Variants in LDLRAD4 observed in about 807,000 individuals in gnomAD.
LDLRAD4 encodes low-density lipoprotein receptor class A domain-containing protein 4.
LDLRAD4 carries 5 observed loss-of-function variants against 17.0 expected under a neutral mutation model. That is an observed-to-expected ratio of 0.29 (90% CI 0.15 to 0.62). The LOEUF (loss-of-function observed/expected upper bound fraction) is 0.62. Ranked by LOEUF, LDLRAD4 falls within the 20% of genes least tolerant of loss-of-function variation. LDLRAD4 has a pLI of 0.84. For missense variants in LDLRAD4, 340 were observed against 424.7 expected (o/e 0.80, Z 1.75); for synonymous variants, 168 against 171.8 (o/e 0.98, Z 0.17).
At chr18:13,410,968 G>A (rs995754341) in intron 2 of LDLRAD4, among the ~76,000 whole-genome samples, 2 of 152,120 alleles carry the variant, frequency 1.3e-5, no homozygotes, top group Non-Finnish European at 2.9e-5. Context: ...GTATCAATAC[G>A]GGCCAGGTGC....
chr18:13,312,215 A>G (rs1347670728), intron 1 of LDLRAD4, among the ~76,000 whole-genome samples: 1 of 152,160 alleles, frequency 6.6e-6, no homozygotes, highest in Non-Finnish European at 1.5e-5. Flanking sequence ...TTTAAACTTC[A>G]TTTCATGCAC....
At chr18:13,511,584 G>T (rs79616222) in intron 3 of LDLRAD4, among the ~76,000 whole-genome samples, 2,353 of 152,260 alleles carry the variant, frequency 0.015, 73 homozygotes, top group African/African-American at 0.055. Flanking sequence ...TGAAAATTAT[G>T]GGTAAAGAAA....
At chr18:13,589,302 T>C (rs2094977774) in intron 3 of LDLRAD4, among the ~76,000 whole-genome samples, 1 of 152,170 alleles carries the variant, frequency 6.6e-6, no homozygotes, top group African/African-American at 2.4e-5. Flanking sequence ...GGTGAAATGA[T>C]GGTTGGATGC....
In LDLRAD4 at chr18:13,280,316, G is replaced by T. The variant is rs117014035; in HGVS notation, c.-383+2128G>T. The stretch of plus-strand genomic sequence containing the variant: ...CTTGGCAAGTCCTAACCCTCTATGA[G>T]TCTCAGCTTTTCTCATCTTTAAATG... On this transcript the variant is annotated intron_variant, in intron 1 of 5. Coordinates refer to ENST00000359446, the Ensembl canonical transcript of LDLRAD4. Among the ~76,000 whole-genome samples, 1,506 of 152,288 alleles carry T rather than the reference G, an allele frequency of 9.9e-3. 59 individuals are homozygous for T. Among genetic ancestry groups the T allele is most frequent in the Admixed American group, 0.068 (1,046 of 15,294 alleles).
chr18:13,640,760 C>T (rs2042478801), intron 4 of LDLRAD4, among the ~76,000 whole-genome samples: 2 of 152,108 alleles, frequency 1.3e-5, no homozygotes, highest in African/African-American at 2.4e-5. Context: ...GCACCCCTTT[C>T]CTGGCCTCAG....
chr18:13,383,154 T>C (rs746434925), intron 1 of LDLRAD4, among the ~76,000 whole-genome samples: 24 of 152,308 alleles, frequency 1.6e-4, no homozygotes, highest in Admixed American at 3.9e-4. Context: ...GTTAATTGTG[T>C]AGGTGTTTGC....
At chr18:13,255,754 G>T (rs1375824870) in intron 1 of LDLRAD4, among the ~76,000 whole-genome samples, 1 of 152,172 alleles carries the variant, frequency 6.6e-6, no homozygotes, top group Non-Finnish European at 1.5e-5. Flanking sequence ...GGGCTGTGGG[G>T]TGCTTGGAGT....
At chr18:13,642,825 C>T (rs2042699423) in intron 4 of LDLRAD4, 1 of 977,334 alleles carries the variant, frequency 1.0e-6, no homozygotes, top group Non-Finnish European at 1.3e-6. Context: ...TCCATGTTTC[C>T]TTTTGTTCAC....
At chr18:13,422,960 A>G (rs1013799828) in intron 2 of LDLRAD4, among the ~76,000 whole-genome samples, 6 of 151,488 alleles carry the variant, frequency 4.0e-5, no homozygotes, top group African/African-American at 1.5e-4. Context: ...GCTGGTAGCA[A>G]CTCCCTGGGG....
intron 1 of LDLRAD4, among the ~76,000 whole-genome samples, chr18:13,289,705 TCCTGAG>T (rs1275495731): frequency 6.6e-6 from 1 of 152,196 alleles, no homozygotes; most frequent in Non-Finnish European, 1.5e-5. Flanking sequence ...CTGTGTCCAG[TCCTGAG>T]CCATTGGGAC....
intron 3 of LDLRAD4, among the ~76,000 whole-genome samples, chr18:13,507,571 G>A (rs777640915): frequency 3.2e-4 from 49 of 152,178 alleles, no homozygotes; most frequent in Non-Finnish European, 6.0e-4. Flanking sequence ...TGGTCAGTGA[G>A]CACTTAGGTT....
chr18:13,578,341 C>G (rs1198103214), intron 3 of LDLRAD4, among the ~76,000 whole-genome samples: 1 of 152,184 alleles, frequency 6.6e-6, no homozygotes, highest in Non-Finnish European at 1.5e-5. Flanking sequence ...CCTGGAACAC[C>G]TTGAAATTTT....
At chr18:13,358,686 T>C (rs1453191399) in intron 1 of LDLRAD4, among the ~76,000 whole-genome samples, 10 of 152,186 alleles carry the variant, frequency 6.6e-5, no homozygotes. Flanking sequence ...TTGTGATGAC[T>C]GGAAACAGTT....
intron 3 of LDLRAD4, among the ~76,000 whole-genome samples, chr18:13,616,615 C>T (rs778886208): frequency 4.6e-5 from 7 of 152,182 alleles, no homozygotes; most frequent in Non-Finnish European, 5.9e-5. Context: ...GAGCACCCAC[C>T]GGCCACCGTC....
At chr18:13,418,290 A>G (rs1399558756) in intron 2 of LDLRAD4, among the ~76,000 whole-genome samples, 2 of 152,214 alleles carry the variant, frequency 1.3e-5, no homozygotes, top group African/African-American at 4.8e-5. Flanking sequence ...ACCTGCCTTC[A>G]GGGCCTGGCT....
At chr18:13,449,494 A>C (rs973476979) in intron 3 of LDLRAD4, among the ~76,000 whole-genome samples, 9 of 152,244 alleles carry the variant, frequency 5.9e-5, no homozygotes, top group Non-Finnish European at 7.3e-5. Flanking sequence ...CTGGTGGCTC[A>C]GTGGGGTGAC....
chr18:13,245,169 TG>T (rs1343285598), intron 1 of LDLRAD4, among the ~76,000 whole-genome samples: 3 of 152,140 alleles, frequency 2.0e-5, no homozygotes, highest in Admixed American at 2.0e-4. Context: ...GTGGAGCTCG[TG>T]GGCAGGAGTC....
chr18:13,251,691 T>C (rs1017584883), intron 1 of LDLRAD4, among the ~76,000 whole-genome samples: 23 of 152,176 alleles, frequency 1.5e-4, no homozygotes, highest in African/African-American at 4.8e-4. Flanking sequence ...CAAGGAAAAC[T>C]ACAAAGCATC....
At chr18:13,642,783 T>G (rs2042694820) in intron 4 of LDLRAD4, 2 of 1,218,420 alleles carry the variant, frequency 1.6e-6, no homozygotes, top group Admixed American at 4.2e-5. Flanking sequence ...CATATTCCAC[T>G]TCAAATCTAA....
Sources: gnomAD v4.1 joint callset for allele counts (sites outside exome capture counted in the v4.1 genomes callset) on GRCh38, gnomAD v4.1.1 for gene constraint, MANE v1.5 for transcripts, NCBI Gene and HGNC (gene_info 2026-07-23, HGNC 2026-07-21) for gene names.